RERE: variants seen among roughly 807,000 people sequenced by gnomAD.
The protein encoded by RERE is arginine-glutamic acid dipeptide repeats.
Under a neutral mutation model 146.1 loss-of-function variants are expected in RERE, and 40 were observed. The ratio of observed to expected loss-of-function variants is 0.27; its 90% confidence interval spans 0.21 to 0.36. The LOEUF is 0.36. Among genes scored for constraint, RERE ranks in the 10% least tolerant of loss-of-function variants. RERE has a pLI of 1.00. For missense variants in RERE, 1,933 were observed against 2,138.7 expected (o/e 0.90, Z 1.90); for synonymous variants, 1,003 against 866.0 (o/e 1.16, Z -2.78).
chr1:8,433,441 T>C (rs1013692807), intron 11 of RERE, among the ~76,000 whole-genome samples: 1 of 152,154 alleles, frequency 6.6e-6, no homozygotes, highest in Non-Finnish European at 1.5e-5. Flanking sequence ...AAATAAATCC[T>C]AGTTTCAGCA....
intron 8 of RERE, among the ~76,000 whole-genome samples, chr1:8,500,943 C>A (rs1254125850): frequency 6.7e-6 from 1 of 150,018 alleles, no homozygotes; most frequent in South Asian, 2.1e-4. Context: ...GCAACCGCCC[C>A]GTCTGAGAAG....
At chr1:8,581,439 T>G (rs1646364984) in intron 4 of RERE, among the ~76,000 whole-genome samples, 1 of 152,248 alleles carries the variant, frequency 6.6e-6, no homozygotes, top group African/African-American at 2.4e-5. Context: ...AGCTGCCCTA[T>G]TTTCATAACA....
intron 1 of RERE, among the ~76,000 whole-genome samples, chr1:8,694,972 A>AAG (rs1362838886): frequency 1.7e-3 from 16 of 9,530 alleles, no homozygotes; most frequent in Non-Finnish European, 3.3e-3. Flanking sequence ...AAGAAATCCT[A>AAG]AGGGGGGGGG....
At chr1:8,744,636 A>G (rs1640383672) in intron 1 of RERE, among the ~76,000 whole-genome samples, 1 of 152,230 alleles carries the variant, frequency 6.6e-6, no homozygotes, top group South Asian at 2.1e-4. Context: ...ATATGGTCTA[A>G]AAGAGATGAC....
intron 11 of RERE, chr1:8,425,088 T>C (rs1454754833): frequency 6.6e-6 from 1 of 152,234 alleles, no homozygotes; most frequent in Non-Finnish European, 1.5e-5. Flanking sequence ...AGTGGCAGTG[T>C]GGCCTAAGTG....
chr1:8,431,345 G>T (rs1342012013), intron 11 of RERE, among the ~76,000 whole-genome samples: 1 of 152,152 alleles, frequency 6.6e-6, no homozygotes. Flanking sequence ...GAGGGATCTG[G>T]GTTGCGTGCT....
At chr1:8,676,975 G>T (rs1369402540) in intron 1 of RERE, among the ~76,000 whole-genome samples, 1 of 152,082 alleles carries the variant, frequency 6.6e-6, no homozygotes, top group East Asian at 1.9e-4. Flanking sequence ...CACTCCTCCA[G>T]TCCTCCCTAA....
At chr1:8,687,203 AG>A (rs1178183364) in intron 1 of RERE, among the ~76,000 whole-genome samples, 1 of 152,198 alleles carries the variant, frequency 6.6e-6, no homozygotes. Flanking sequence ...TATGAGAGAC[AG>A]GAAATTACTA....
intron 11 of RERE, among the ~76,000 whole-genome samples, chr1:8,437,330 AC>A (rs1644184082): frequency 6.6e-6 from 1 of 150,434 alleles, no homozygotes; most frequent in Non-Finnish European, 1.5e-5. Context: ...AAAATCAATG[AC>A]CCCTTTAGGA....
intron 1 of RERE, among the ~76,000 whole-genome samples, chr1:8,752,625 A>T (rs939843181): frequency 6.6e-6 from 1 of 152,200 alleles, no homozygotes; most frequent in Non-Finnish European, 1.5e-5. Context: ...AAGGCTGTAG[A>T]TAAAAACAAG....
intron 8 of RERE, among the ~76,000 whole-genome samples, chr1:8,501,409 G>C (rs1205823422): frequency 1.4e-5 from 1 of 69,500 alleles, no homozygotes; most frequent in African/African-American, 7.3e-5. Flanking sequence ...CCGGCCAGCC[G>C]CCCCGTCCGG....
chr1:8,647,969 T>C (rs770766357), intron 2 of RERE, among the ~76,000 whole-genome samples: 1 of 152,154 alleles, frequency 6.6e-6, no homozygotes, highest in Non-Finnish European at 1.5e-5. Flanking sequence ...AAGGCAAACT[T>C]TTACTGAAGT....
chr1:8,613,599 C>G (rs1646817062), intron 4 of RERE, among the ~76,000 whole-genome samples: 1 of 152,188 alleles, frequency 6.6e-6, no homozygotes, highest in East Asian at 1.9e-4. Flanking sequence ...TACACTGCAG[C>G]TGAACAACTC....
chr1:8,411,294 C>T (rs887788313), intron 12 of RERE, among the ~76,000 whole-genome samples: 5 of 147,452 alleles, frequency 3.4e-5, no homozygotes, highest in African/African-American at 1.2e-4. Context: ...TTTACAAGAT[C>T]AAAAGAAATA....
At chr1:8,361,570 A>G (rs929812362) in intron 17 of RERE, 80 bp from the exon 18 acceptor site, 19 of 1,549,372 alleles carry the variant, frequency 1.2e-5, no homozygotes, top group Non-Finnish European at 1.6e-5. Context: ...CCGGACACAC[A>G]GTAATGTTTG....
intron 1 of RERE, among the ~76,000 whole-genome samples, chr1:8,793,373 A>G (rs1326203778): frequency 4.6e-5 from 7 of 152,020 alleles, no homozygotes; most frequent in African/African-American, 1.7e-4. Context: ...CAACCTTAAC[A>G]TTTCCATCCT....
At chr1:8,596,585 A>G (rs1173214478) in intron 4 of RERE, among the ~76,000 whole-genome samples, 1 of 151,998 alleles carries the variant, frequency 6.6e-6, no homozygotes, top group African/African-American at 2.4e-5. Flanking sequence ...TAAGCTCACT[A>G]TAACCTGGAC....
chr1:8,809,721 A>C (rs1224434380), intron 1 of RERE, among the ~76,000 whole-genome samples: 1 of 152,232 alleles, frequency 6.6e-6, no homozygotes, highest in Admixed American at 6.5e-5. Context: ...GTTTTTCAGA[A>C]TACATCTAAT....
At chr1:8,752,628 A>T (rs1640561723) in intron 1 of RERE, among the ~76,000 whole-genome samples, 3 of 152,202 alleles carry the variant, frequency 2.0e-5, no homozygotes, top group African/African-American at 7.2e-5. Context: ...GCTGTAGATA[A>T]AAACAAGGTT....
Sources: allele counts gnomAD v4.1 joint callset (sites outside exome capture counted in the v4.1 genomes callset), GRCh38; gene constraint gnomAD v4.1.1; transcripts MANE v1.5; gene names NCBI Gene and HGNC (gene_info 2026-07-23, HGNC 2026-07-21).